The following GSAP variants were observed in gnomAD, a reference collection of about 807,000 sequenced individuals.
GSAP encodes the protein gamma-secretase-activating protein.
A neutral mutation model predicts 131.7 loss-of-function variants in GSAP; 118 were observed. The ratio of observed to expected loss-of-function variants is 0.90; its 90% CI spans 0.77 to 1.04. The LOEUF (loss-of-function observed/expected upper bound fraction) is 1.04, where lower values mean the gene tolerates loss of function less well. GSAP is among the 50% of genes least tolerant of loss of function. The probability of loss-of-function intolerance (pLI) is 0.00; values close to 1 mark genes in which losing one functional copy is unlikely to be tolerated. For synonymous variants in GSAP, 381 were observed against 363.4 expected, an observed-to-expected ratio of 1.05 and a Z score of -0.55; for missense variants, 1,019 against 1,013.2, an observed-to-expected ratio of 1.01 and a Z score of -0.08.
Position 77,349,332 on chromosome 7 carries a change from C to G in GSAP, c.1545+19G>C. 1 of 1,580,346 alleles carries G rather than the reference C, an allele frequency of 6.3e-7. No individual in the cohort carries two copies. The highest frequency in any genetic ancestry group is 1.1e-5 in the South Asian group (1 of 90,324). On this transcript the variant is annotated intron_variant, in intron 19 of 30. Transcript: ENST00000257626. ...TAGTCATGTATCTGTACTTTTGTTT[C>G]TTGCTGTAAGGGACCTACCTTCATA... is the stretch of plus-strand genomic sequence containing the variant.
intron 6 of GSAP, among the ~76,000 whole-genome samples, chr7:77,385,980 T>A (rs1798508576): frequency 6.6e-6 from 1 of 152,228 alleles, no homozygotes; most frequent in Non-Finnish European, 1.5e-5. Flanking sequence ...ACACAGTTCA[T>A]TCAAATTATT....
At chr7:77,375,583 G>A (rs1050931556) in intron 10 of GSAP, among the ~76,000 whole-genome samples, 3 of 152,144 alleles carry the variant, frequency 2.0e-5, no homozygotes, top group African/African-American at 2.4e-5. Flanking sequence ...GGTGGCTCAC[G>A]CCTATAATTC....
In GSAP at chr7:77,406,033, T is replaced by C. The variant is rs1802206863; in HGVS notation, c.182A>G (p.Tyr61Cys). The C allele has an allele frequency of 1.1e-6, 1 of 942,030 alleles. No individual in the cohort carries two copies. The highest frequency in any genetic ancestry group is 1.5e-6 in the Non-Finnish European group (1 of 673,216). The allele number at this position is 942,030 out of a possible 1,614,324, so 58.4% of individuals were successfully genotyped here. ...VERNGNIIYTYKDDKGNVVFG... is the reference protein window; with the variant it reads ...VERNGNIIYTCKDDKGNVVFG... Reference sequence around the variant, plus strand: ...TAAAAAAGAATATAGACATACCTTATAGGTATAAATAATATTTCCATTTCT... The same window carrying C: ...TAAAAAAGAATATAGACATACCTTACAGGTATAAATAATATTTCCATTTCT... Residue 61 changes from tyrosine to cysteine, a missense_variant, in exon 2 of 31, where the codon TAT becomes TGT. Tyr to Cys is a radical substitution (Grantham distance 194). Transcript: ENST00000257626.
At chr7:77,332,052 TGTTCA>T (rs1263863022) in intron 19 of GSAP, 1 of 152,252 alleles carries the variant, frequency 6.6e-6, no homozygotes, top group Non-Finnish European at 1.5e-5. Context: ...TGACATCTAG[TGTTCA>T]GTTGAGCTAT....
intron 21 of GSAP, 71 bp from the exon 22 acceptor site, chr7:77,328,708 AG>A: frequency 1.1e-6 from 1 of 890,128 alleles, no homozygotes; most frequent in Admixed American, 2.1e-5. Context: ...CATCATACAA[AG>A]ATATCCTCCT....
intron 12 of GSAP, 42 bp downstream of exon 12, chr7:77,374,028 C>A: frequency 9.0e-7 from 1 of 1,111,726 alleles, no homozygotes; most frequent in South Asian, 1.3e-5. Flanking sequence ...GTCTAGAACT[C>A]AAATACGGTT....
intron 5 of GSAP, among the ~76,000 whole-genome samples, chr7:77,388,098 G>GT (rs1315718097): frequency 6.6e-6 from 1 of 152,176 alleles, no homozygotes; most frequent in Non-Finnish European, 1.5e-5. Context: ...TTTTCTTAAA[G>GT]TTTGACTTTA....
At chr7:77,326,543 A>T (rs1214106616) in intron 22 of GSAP, 4 of 310,528 alleles carry the variant, frequency 1.3e-5, no homozygotes, top group Non-Finnish European at 1.8e-5. Flanking sequence ...ACTAAAACTC[A>T]CTGCTAAGAA....
At chr7:77,368,507 G>T (rs1229315098) in intron 12 of GSAP, among the ~76,000 whole-genome samples, 1 of 152,192 alleles carries the variant, frequency 6.6e-6, no homozygotes, top group African/African-American at 2.4e-5. Flanking sequence ...GATCACAGAT[G>T]CCCAGGTTCC....
intron 1 of GSAP, among the ~76,000 whole-genome samples, chr7:77,415,289 T>C (rs1804151650): frequency 6.6e-6 from 1 of 152,256 alleles, no homozygotes; most frequent in Admixed American, 6.5e-5. Context: ...GAGTTGTAGA[T>C]GTGGGTCATT....
rs1235522072 is a variant in GSAP, at chr7:77,314,786, C to T, written c.2090-297G>A. The stretch of plus-strand genomic sequence containing the variant: ...TTTACGGTTTGATATGTTTGTGATT[C>T]TACAGTAAGATAGCAAAAGAGTACA... On this transcript the variant is annotated intron_variant, in intron 26 of 30. Transcript: ENST00000257626. The T allele has an allele frequency of 3.4e-5, 8 of 238,034 alleles. No homozygotes were observed. In the East Asian group the frequency reaches 8.3e-4, roughly 25 times the overall value. The allele number at this position is 238,034 out of a possible 1,614,324, so 14.7% of individuals were successfully genotyped here. A position where few individuals can be genotyped will look rare whatever the true frequency, so the allele number is the denominator to read the frequency against.
intron 1 of GSAP, among the ~76,000 whole-genome samples, chr7:77,411,925 T>A (rs1308461455): frequency 6.6e-6 from 1 of 152,214 alleles, no homozygotes; most frequent in Non-Finnish European, 1.5e-5. Flanking sequence ...ACAACTGTAA[T>A]CCCAGCACTT....
intron 1 of GSAP, among the ~76,000 whole-genome samples, chr7:77,411,336 T>C (rs1803249958): frequency 1.3e-5 from 2 of 152,240 alleles, no homozygotes; most frequent in Non-Finnish European, 2.9e-5. Context: ...CTTTCCAGTC[T>C]TAAATATTGA....
chr7:77,321,243 T>G, intron 25 of GSAP, 90 bp downstream of exon 25: 1 of 800,916 alleles, frequency 1.2e-6, no homozygotes, highest in East Asian at 2.6e-5. Flanking sequence ...GAGAACTGAT[T>G]TGAACTAGTG....
At chr7:77,312,967 A>C (rs1289070239) in intron 28 of GSAP, among the ~76,000 whole-genome samples, 1 of 151,836 alleles carries the variant, frequency 6.6e-6, no homozygotes, top group Non-Finnish European at 1.5e-5. Flanking sequence ...TCTTCTTTTG[A>C]CCTAGGAATG....
intron 5 of GSAP, 68 bp from the exon 6 acceptor site, chr7:77,387,516 G>C (rs1368607435): frequency 7.1e-6 from 6 of 846,626 alleles, no homozygotes; most frequent in Admixed American, 1.8e-5. Context: ...CCAAAGCAAG[G>C]AGTAAGAACA....
chr7:77,383,999 A>C (rs922307287), intron 6 of GSAP, among the ~76,000 whole-genome samples: 1 of 152,258 alleles, frequency 6.6e-6, no homozygotes, highest in Admixed American at 6.5e-5. Flanking sequence ...TAAAGTCAAA[A>C]TTATAAAATA....
At chr7:77,385,190 C>T (rs186182431) in intron 6 of GSAP, among the ~76,000 whole-genome samples, 5 of 152,134 alleles carry the variant, frequency 3.3e-5, no homozygotes, top group East Asian at 1.9e-4. Context: ...CATACCACCA[C>T]GCCCAGCTAA....
chr7:77,388,052 T>C (rs1798842799), intron 5 of GSAP, among the ~76,000 whole-genome samples: 1 of 152,230 alleles, frequency 6.6e-6, no homozygotes, highest in Non-Finnish European at 1.5e-5. Context: ...TGCTAACTAT[T>C]GTATTAGCTA....
Sources: gnomAD v4.1 joint callset for allele counts (sites outside exome capture counted in the v4.1 genomes callset) on GRCh38, gnomAD v4.1.1 for gene constraint, MANE v1.5 for transcripts, NCBI Gene and HGNC (gene_info 2026-07-23, HGNC 2026-07-21) for gene names.